Variants in COL4A2 observed in about 807,000 individuals in gnomAD.
COL4A2 encodes collagen alpha-2(IV) chain.
COL4A2 carries 99 observed loss-of-function variants against 200.2 expected under a neutral mutation model. The observed-to-expected ratio is 0.49, with a 90% confidence interval of 0.42 to 0.58. The LOEUF (loss-of-function observed/expected upper bound fraction) is 0.58. Ranked by LOEUF, COL4A2 falls within the 20% of genes least tolerant of loss-of-function variation. The pLI is 0.00. For synonymous variants in COL4A2, 897 were observed against 900.6 expected (o/e 1.00, Z 0.07); for missense variants, 1,950 against 2,314.1 (o/e 0.84, Z 3.23).
intron 3 of COL4A2, among the ~76,000 whole-genome samples, chr13:110,348,495 G>T (rs1050330722): frequency 6.6e-6 from 1 of 152,280 alleles, no homozygotes; most frequent in Middle Eastern, 3.4e-3. Flanking sequence ...CTGCATGTGC[G>T]GAAATGGCTT....
chr13:110,511,038 C>G (rs1431728583), intron 47 of COL4A2, among the ~76,000 whole-genome samples: 2 of 151,934 alleles, frequency 1.3e-5, no homozygotes, highest in African/African-American at 4.8e-5. Flanking sequence ...TATCATAGAA[C>G]AGCCCCTTTT....
rs185277943 is a variant in COL4A2 at position 110,405,824 on chromosome 13, C to T, written c.181-18910C>T. 3.8e-3 allele frequency among the ~76,000 whole-genome samples: 584 copies of T among 152,264 alleles called. 4 individuals are homozygous for T. Among genetic ancestry groups the T allele is most frequent in the African/African-American group, 0.013 (537 of 41,538 alleles). ...AGGTGGCCTTGGTTTTAATGCTGCT[C>T]AATGGATTCTAAGAGAGCATCCCAG... On this transcript the variant is annotated intron_variant, in intron 4 of 47. Transcript: ENST00000360467.
In COL4A2 at chr13:110,497,711, T is replaced by C. The variant is rs550116976; in HGVS notation, c.3760+2244T>C. ...CACAACCTCCACTCAGGGCTGAGGA[T>C]CTAGGTCAGTCCACCAGCACAGCCT... On this transcript the variant is annotated intron_variant, in intron 40 of 47. Coordinates refer to ENST00000360467, the MANE Select transcript of COL4A2 (RefSeq NM_001846.4). Among the ~76,000 whole-genome samples, 37 of 150,410 alleles carry C rather than the reference T, an allele frequency of 2.5e-4. 1 individual carries two copies. The highest frequency in any genetic ancestry group is 3.4e-4 in the Non-Finnish European group (23 of 67,588).
At chr13:110,462,073 A>G (rs1003545230) in intron 22 of COL4A2, 41 bp from the exon 23 acceptor site, 12 of 1,610,954 alleles carry the variant, frequency 7.4e-6, no homozygotes, top group Admixed American at 1.7e-5. Flanking sequence ...ATGCCCTCAC[A>G]GTACAAAGAA....
At chr13:110,382,628 T>A (rs1279501815) in intron 4 of COL4A2, among the ~76,000 whole-genome samples, 1 of 152,246 alleles carries the variant, frequency 6.6e-6, no homozygotes. Context: ...AAATATCACT[T>A]TAACAATTAT....
chr13:110,428,642 CT>C, intron 7 of COL4A2, 59 bp downstream of exon 7: 1 of 990,958 alleles, frequency 1.0e-6, no homozygotes, highest in Non-Finnish European at 1.4e-6. Context: ...TAAGCCCTGC[CT>C]TTATAACCTG....
intron 31 of COL4A2, among the ~76,000 whole-genome samples, chr13:110,480,836 A>G (rs2139522677): frequency 6.6e-6 from 1 of 152,274 alleles, no homozygotes; most frequent in Non-Finnish European, 1.5e-5. Context: ...AGAGCCCTCC[A>G]GCCCATGAAC....
intron 40 of COL4A2, among the ~76,000 whole-genome samples, chr13:110,495,917 C>G (rs1395797282): frequency 2.0e-5 from 3 of 152,192 alleles, no homozygotes; most frequent in African/African-American, 7.2e-5. Flanking sequence ...AAGGTGGGCT[C>G]AAGTCTAAAT....
At chr13:110,507,815 A>G (rs2139559783) in intron 46 of COL4A2, 120 bp from the exon 47 acceptor site, 1 of 1,056,724 alleles carries the variant, frequency 9.5e-7, no homozygotes, top group South Asian at 1.5e-5. Context: ...GTAGGTGGCT[A>G]AACTCCACCA....
rs560202232 is a variant in COL4A2, at chr13:110,459,134, C to T, written c.1596+200C>T. The T allele has an allele frequency of 7.7e-4, 384 of 501,582 alleles. 3 individuals are homozygous for T. Among genetic ancestry groups the T allele is most frequent in the African/African-American group, 5.7e-3 (284 of 50,102 alleles). The allele number at this position is 501,582 out of a possible 1,614,324, so 31.1% of individuals were successfully genotyped here. ...GTCCACTGGTGAGACTGAGAAGGGG[C>T]GCTGCTGTGGGAACCGCAGCCGACA... is the stretch of plus-strand genomic sequence containing the variant. On this transcript the variant is annotated intron_variant, in intron 22 of 47. Coordinates refer to ENST00000360467, the MANE Select transcript of COL4A2 (RefSeq NM_001846.4).
chr13:110,431,255 G>A (rs144536187), intron 10 of COL4A2, among the ~76,000 whole-genome samples: 1 of 152,302 alleles, frequency 6.6e-6, no homozygotes, highest in Non-Finnish European at 1.5e-5. Flanking sequence ...GATTTGGGCT[G>A]CAGGTGAGAG....
chr13:110,380,835 T>C (rs1483210513), intron 4 of COL4A2, among the ~76,000 whole-genome samples: 1 of 141,752 alleles, frequency 7.1e-6, no homozygotes, highest in Admixed American at 7.0e-5. Flanking sequence ...GTGCTCTATC[T>C]CACAACCACA....
intron 34 of COL4A2, 76 bp downstream of exon 34, chr13:110,485,912 T>C (rs1252959340): frequency 1.9e-6 from 3 of 1,575,772 alleles, no homozygotes; most frequent in Non-Finnish European, 2.6e-6. Context: ...TGCTTTGGTC[T>C]GGAATTTGCT....
intron 4 of COL4A2, among the ~76,000 whole-genome samples, chr13:110,388,852 C>T (rs542046391): frequency 1.4e-4 from 22 of 152,332 alleles, no homozygotes; most frequent in South Asian, 8.3e-4. Flanking sequence ...ACAGATTCCT[C>T]GTGTGATCCC....
chr13:110,367,558 C>G (rs1384731434), intron 4 of COL4A2, among the ~76,000 whole-genome samples: 1 of 152,194 alleles, frequency 6.6e-6, no homozygotes. Context: ...TTGTAAAAGT[C>G]TTATGAAAAT....
intron 4 of COL4A2, among the ~76,000 whole-genome samples, chr13:110,391,500 A>G (rs1438387923): frequency 6.6e-6 from 1 of 152,258 alleles, no homozygotes; most frequent in Non-Finnish European, 1.5e-5. Flanking sequence ...CCAGAGATAT[A>G]ACAATGCATT....
At chr13:110,420,215 G>A (rs1880194942) in intron 4 of COL4A2, among the ~76,000 whole-genome samples, 1 of 152,186 alleles carries the variant, frequency 6.6e-6, no homozygotes, top group African/African-American at 2.4e-5. Context: ...CCCTGACACT[G>A]GTCCCATCTG....
At chr13:110,382,144 T>C (rs568816932) in intron 4 of COL4A2, among the ~76,000 whole-genome samples, 1 of 152,302 alleles carries the variant, frequency 6.6e-6, no homozygotes, top group East Asian at 1.9e-4. Context: ...GAATCATAAA[T>C]AGAGAAAAAA....
chr13:110,403,856 C>A (rs1457865943), intron 4 of COL4A2, among the ~76,000 whole-genome samples: 1 of 152,222 alleles, frequency 6.6e-6, no homozygotes, highest in Non-Finnish European at 1.5e-5. Context: ...GATTTATGTA[C>A]AACAGAATGT....
Sources: gnomAD v4.1 joint callset for allele counts (sites outside exome capture counted in the v4.1 genomes callset) on GRCh38, gnomAD v4.1.1 for gene constraint, MANE v1.5 for transcripts, NCBI Gene and HGNC (gene_info 2026-07-23, HGNC 2026-07-21) for gene names.